The following CACNA2D3 variants were observed in gnomAD, a reference collection of about 807,000 sequenced individuals.
CACNA2D3 encodes the protein calcium voltage-gated channel auxiliary subunit alpha2delta 3, also known as voltage-dependent calcium channel subunit alpha-2/delta-3.
A neutral mutation model predicts 160.6 loss-of-function variants in CACNA2D3; 60 were observed. The ratio of observed to expected loss-of-function variants is 0.37; its 90% confidence interval spans 0.30 to 0.46. The LOEUF is 0.46. Ranked by LOEUF, CACNA2D3 falls within the 20% of genes least tolerant of loss-of-function variation. The pLI is 1.00. For synonymous variants in CACNA2D3, 558 were observed against 492.9 expected (o/e 1.13, Z -1.75); for missense variants, 1,205 against 1,365.0 (o/e 0.88, Z 1.85).
At chr3:54,363,067 C>T (rs569162986) in intron 3 of CACNA2D3, among the ~76,000 whole-genome samples, 10 of 151,746 alleles carry the variant, frequency 6.6e-5, no homozygotes, top group African/African-American at 1.7e-4. Flanking sequence ...TGGTGGTGTG[C>T]GCCTGTAGTC....
Position 54,609,949 on chromosome 3 carries a change from C to T in CACNA2D3, c.964-17838C>T, listed in dbSNP as rs1319697036. On this transcript the variant is annotated intron_variant, in intron 9 of 37. Transcript: ENST00000474759. ...AGTTCTGGAGGCTAGAAGTTTGAAA[C>T]CAAGGTATTGGCAGGTCATGCTTCC... Among the ~76,000 whole-genome samples, 4 of 152,282 alleles carry T rather than the reference C, an allele frequency of 2.6e-5. No homozygotes were observed. In the East Asian group the frequency reaches 7.7e-4, roughly 29 times the overall value.
At chr3:54,130,150 C>A (rs1042716295) in intron 2 of CACNA2D3, among the ~76,000 whole-genome samples, 4 of 152,198 alleles carry the variant, frequency 2.6e-5, no homozygotes, top group Non-Finnish European at 4.4e-5. Context: ...GGCAGCAGAG[C>A]CTCAGACCAA....
At chr3:54,599,656 T>C (rs1035065754) in intron 9 of CACNA2D3, among the ~76,000 whole-genome samples, 23 of 152,164 alleles carry the variant, frequency 1.5e-4, no homozygotes, top group African/African-American at 4.8e-4. Flanking sequence ...GTCTTTCACA[T>C]GCAGATTATC....
intron 2 of CACNA2D3, among the ~76,000 whole-genome samples, chr3:54,245,308 G>A (rs1269564050): frequency 1.3e-5 from 2 of 149,122 alleles, no homozygotes; most frequent in Admixed American, 6.7e-5. Context: ...CATGTGTATG[G>A]GTGTGTGTGT....
chr3:55,063,391 A>G (rs75985104), intron 35 of CACNA2D3, among the ~76,000 whole-genome samples: 2 of 105,652 alleles, frequency 1.9e-5, no homozygotes, highest in Non-Finnish European at 1.6e-5. Flanking sequence ...AGCTTAAAAG[A>G]AAAAAAAAAA....
chr3:54,331,096 C>T (rs1264104497), intron 3 of CACNA2D3, among the ~76,000 whole-genome samples: 1 of 152,118 alleles, frequency 6.6e-6, no homozygotes, highest in Non-Finnish European at 1.5e-5. Context: ...AATAATTAAT[C>T]ACATCAGAAT....
intron 9 of CACNA2D3, among the ~76,000 whole-genome samples, chr3:54,614,692 G>A (rs894927300): frequency 1.3e-5 from 2 of 152,078 alleles, no homozygotes; most frequent in Admixed American, 6.5e-5. Flanking sequence ...AGAAATGGCC[G>A]ATTCTAGGTT....
chr3:54,259,785 A>G (rs1204761607), intron 2 of CACNA2D3, among the ~76,000 whole-genome samples: 4 of 152,242 alleles, frequency 2.6e-5, no homozygotes, highest in African/African-American at 4.8e-5. Context: ...GAAGCCTGCC[A>G]ATGCATTTAT....
rs117601869 is a variant in CACNA2D3, at chr3:54,344,294, A to G, written c.321+23736A>G. On this transcript the variant is annotated intron_variant, in intron 3 of 37. Coordinates refer to ENST00000474759, the MANE Select transcript of CACNA2D3 (RefSeq NM_018398.3). ...TGGTGTCTGGACTTCTGACTTGATT[A>G]TGAGTTCTTTGAAGGCAGAGCAGTA... Among the ~76,000 whole-genome samples the G allele has an allele frequency of 4.8e-3, 738 of 152,174 alleles. 20 individuals carry two copies. The East Asian group carries it at 0.09, about 18-fold the overall frequency.
intron 3 of CACNA2D3, among the ~76,000 whole-genome samples, chr3:54,370,681 C>T (rs981251205): frequency 3.3e-5 from 5 of 152,082 alleles, no homozygotes; most frequent in Non-Finnish European, 7.3e-5. Flanking sequence ...ATACTAGAGA[C>T]ACTTTTTTGG....
chr3:54,324,638 A>G (rs1704082731), intron 3 of CACNA2D3, among the ~76,000 whole-genome samples: 1 of 152,052 alleles, frequency 6.6e-6, no homozygotes, highest in South Asian at 2.1e-4. Flanking sequence ...TTTTGTGTAT[A>G]GCAGTTGTGC....
chr3:54,404,600 A>G (rs1374490682), intron 4 of CACNA2D3, among the ~76,000 whole-genome samples: 1 of 152,152 alleles, frequency 6.6e-6, no homozygotes, highest in African/African-American at 2.4e-5. Flanking sequence ...ACTTGCCACT[A>G]CTATTCAACA....
At chr3:54,649,739 C>T (rs1160137451) in intron 11 of CACNA2D3, among the ~76,000 whole-genome samples, 1 of 152,194 alleles carries the variant, frequency 6.6e-6, no homozygotes, top group Non-Finnish European at 1.5e-5. Context: ...CTAATTACTT[C>T]CCAAAGGCCC....
intron 2 of CACNA2D3, among the ~76,000 whole-genome samples, chr3:54,160,633 G>A (rs2107296327): frequency 6.6e-6 from 1 of 152,214 alleles, no homozygotes; most frequent in East Asian, 1.9e-4. Context: ...TAGCTTCACT[G>A]CTTGTTACTG....
At chr3:54,475,836 T>TGTGTGTGTGTGTGA (rs367560891) in intron 4 of CACNA2D3, among the ~76,000 whole-genome samples, 3 of 151,268 alleles carry the variant, frequency 2.0e-5, no homozygotes, top group Non-Finnish European at 3.0e-5. Context: ...TGTGTGTGTG[T>TGTGTGTGTGTGTGA]GACAGAGAGA....
chr3:54,606,686 CT>C (rs1363433628), intron 9 of CACNA2D3, among the ~76,000 whole-genome samples: 1 of 152,126 alleles, frequency 6.6e-6, no homozygotes, highest in African/African-American at 2.4e-5. Flanking sequence ...CCATTCCAGC[CT>C]GCATTTGTGG....
intron 35 of CACNA2D3, among the ~76,000 whole-genome samples, chr3:55,037,478 A>G (rs3773544): frequency 0.17 from 26,171 of 152,118 alleles, 2,404 homozygotes; most frequent in East Asian, 0.26. Flanking sequence ...GAATTTCAGA[A>G]CTTGTGTCCT....
chr3:54,955,545 A>G (rs1011117729), intron 27 of CACNA2D3, among the ~76,000 whole-genome samples: 1 of 152,204 alleles, frequency 6.6e-6, no homozygotes, highest in Non-Finnish European at 1.5e-5. Flanking sequence ...AGGAGAAACA[A>G]TACTAAGCTA....
intron 2 of CACNA2D3, among the ~76,000 whole-genome samples, chr3:54,202,951 C>T (rs1283794442): frequency 6.6e-6 from 1 of 152,128 alleles, no homozygotes; most frequent in East Asian, 1.9e-4. Context: ...CTCACCGGGT[C>T]AGGGTTGGGA....
Sources: gnomAD v4.1 joint callset for allele counts (sites outside exome capture counted in the v4.1 genomes callset) on GRCh38, gnomAD v4.1.1 for gene constraint, MANE v1.5 for transcripts, NCBI Gene and HGNC (gene_info 2026-07-23, HGNC 2026-07-21) for gene names.